Variants in CCNI2 observed in about 807,000 individuals in gnomAD.
CCNI2 encodes the protein cyclin-I2.
Under a neutral mutation model 33.2 loss-of-function variants are expected in CCNI2, and 32 were observed. That is an observed-to-expected ratio of 0.96 (90% CI 0.73 to 1.30). The LOEUF is 1.30. Ranked by LOEUF, CCNI2 falls within the 50% of genes most tolerant of loss-of-function variation. The pLI is 0.00. For missense variants in CCNI2, 452 were observed against 486.2 expected (o/e 0.93, Z 0.66); for synonymous variants, 231 against 219.9 (o/e 1.05, Z -0.45).
At chr5:132,751,861 C>A in intron 4 of CCNI2, 105 bp from the exon 5 acceptor site, 1 of 1,342,364 alleles carries the variant, frequency 7.4e-7, no homozygotes, top group African/African-American at 1.5e-5. Flanking sequence ...GGTTGGGCAA[C>A]ATTTGATGTT....
Position 132,753,061 on chromosome 5 carries a change from G to A in CCNI2, c.*91G>A, listed in dbSNP as rs988231298. The A allele has an allele frequency of 2.2e-5, 23 of 1,030,380 alleles. No homozygotes were observed. In the South Asian group the frequency reaches 2.5e-4, roughly 11 times the overall value. The allele number at this position is 1,030,380 out of a possible 1,614,324, so 63.8% of individuals were successfully genotyped here. A position where few individuals can be genotyped will look rare whatever the true frequency, so the allele number is the denominator to read the frequency against. ...AGTTCTTTGGCTTGTTATGAATCCT[G>A]TAAAAAGGGAAGGTGGCTCTGGAAG... On this transcript the variant is annotated 3_prime_UTR_variant, in exon 6 of 6. Transcript: ENST00000378731.
Position 132,749,338 on chromosome 5 carries a change from C to G in CCNI2, c.559-10C>G. 6.2e-7 allele frequency: 1 copy of G among 1,609,174 alleles called. No individual in the cohort carries two copies. Among genetic ancestry groups the G allele is most frequent in the Non-Finnish European group, 8.5e-7 (1 of 1,175,494 alleles). On this transcript the variant is annotated splice_polypyrimidine_tract_variant and intron_variant, in intron 2 of 5. Transcript: ENST00000378731. ...ATATTCTGCTCAAATGTGTTTGTTC[C>G]ATACTGCAGGTAAAAGAGAAATACC...
At chr5:132,749,286 A>T in intron 2 of CCNI2, 62 bp from the exon 3 acceptor site, 2 of 1,335,824 alleles carry the variant, frequency 1.5e-6, no homozygotes, top group Admixed American at 3.4e-5. Flanking sequence ...ACAAACACAG[A>T]TGCTTTTCAG....
At position 132,754,326 on chromosome 5, in the gene CCNI2, G is replaced by A; in HGVS notation, c.*1356G>A. ...GCCATGCTGCTCACAGCTTCCAGTG[G>A]TGGCCGTTGAGTGCCCTCTGCCTCC... On this transcript the variant is annotated 3_prime_UTR_variant, in exon 6 of 6. Transcript: ENST00000378731. 5 of 700,294 alleles carry A rather than the reference G, an allele frequency of 7.1e-6. No homozygotes were observed. In the Admixed American group the frequency reaches 8.2e-5, roughly 11 times the overall value. The allele number at this position is 700,294 out of a possible 1,614,324, so 43.4% of individuals were successfully genotyped here. A position where few individuals can be genotyped will look rare whatever the true frequency, so the allele number is the denominator to read the frequency against.
Position 132,750,965 on chromosome 5 carries a change from T to C in CCNI2, c.742T>C (p.Tyr248His). 1 of 1,614,216 alleles carries C rather than the reference T, an allele frequency of 6.2e-7. No homozygotes were observed. The highest frequency in any genetic ancestry group is 2.2e-5 in the East Asian group (1 of 44,894). The stretch of plus-strand genomic sequence containing the variant: ...TCTGGACAGACTGCACTGGGACCTC[T>C]ATATTGGGACGCCGCTGGACTTCTT... Reference protein sequence around the residue: ...AILDRLHWDLYIGTPLDFLTI... With the variant: ...AILDRLHWDLHIGTPLDFLTI... The change falls in exon 4 of 6, where the codon TAT (tyrosine) becomes CAT (histidine). Residue 248 changes from tyrosine (Y) to histidine (H), a missense_variant. Coordinates refer to ENST00000378731, the MANE Select transcript of CCNI2 (RefSeq NM_001039780.4).
chr5:132,754,195 T>G lies in CCNI2; in HGVS notation c.*1225T>G. The G allele has an allele frequency of 1.9e-6, 1 of 531,110 alleles. No individual in the cohort carries two copies. 32.9% of individuals were successfully genotyped at this position (531,110 alleles called of 1,614,324 possible). On this transcript the variant is annotated 3_prime_UTR_variant, in exon 6 of 6. Coordinates refer to ENST00000378731, the MANE Select transcript of CCNI2 (RefSeq NM_001039780.4). Reference sequence around the variant, plus strand: ...GTATGAGTCTTATTTTGAGCTACCATGCATTTAGCCTTGCGAGAGTCAGAT... The same window carrying G: ...GTATGAGTCTTATTTTGAGCTACCAGGCATTTAGCCTTGCGAGAGTCAGAT...
At chr5:132,748,201 G>A (rs923747934) in intron 1 of CCNI2, 146 bp from the exon 2 acceptor site, 1 of 1,179,042 alleles carries the variant, frequency 8.5e-7, no homozygotes. Context: ...GCTGCGCCGG[G>A]GGGCGCTTAC....
intron 4 of CCNI2, chr5:132,751,583 A>T (rs1001225027): frequency 1.1e-5 from 3 of 281,448 alleles, no homozygotes; most frequent in South Asian, 1.1e-4. Flanking sequence ...AGACTGTTTC[A>T]TTACGAAAAC....
At chr5:132,752,296 A>C in intron 5 of CCNI2, 100 bp downstream of exon 5, 1 of 1,342,376 alleles carries the variant, frequency 7.4e-7, no homozygotes, top group Non-Finnish European at 1.0e-6. Context: ...TAGCCTCTGG[A>C]AAATGTTCTG....
At chr5:132,748,222 C>T (rs942652252) in intron 1 of CCNI2, 125 bp from the exon 2 acceptor site, 2 of 1,322,020 alleles carry the variant, frequency 1.5e-6, no homozygotes, top group African/African-American at 1.5e-5. Flanking sequence ...TCCCAGCGGG[C>T]ATGCAGAGGA....
intron 3 of CCNI2, among the ~76,000 whole-genome samples, chr5:132,749,991 C>T (rs1754740659): frequency 6.6e-6 from 1 of 152,144 alleles, no homozygotes; most frequent in Non-Finnish European, 1.5e-5. Context: ...AATACCCTTT[C>T]CAAGCTTTCC....
Position 132,750,959 on chromosome 5 carries a change from G to T in CCNI2, c.736G>T (p.Asp246Tyr). 3 of 1,614,260 alleles carry T rather than the reference G, an allele frequency of 1.9e-6. No homozygotes were observed. Among genetic ancestry groups the T allele is most frequent in the Non-Finnish European group, 2.5e-6 (3 of 1,180,054 alleles). The part of the protein sequence containing the change: ...ELAILDRLHW[D>Y]LYIGTPLDFL... ...GGCTATTCTGGACAGACTGCACTGG[G>T]ACCTCTATATTGGGACGCCGCTGGA... The change falls in exon 4 of 6, where the codon GAC (aspartate) becomes TAC (tyrosine). Residue 246 changes from aspartate (D) to tyrosine (Y), a missense_variant. Physicochemically the swap from Asp to Tyr is radical, Grantham distance 160 (BLOSUM62 -3). Coordinates refer to ENST00000378731, the MANE Select transcript of CCNI2 (RefSeq NM_001039780.4).
At chr5:132,752,261 C>G in intron 5 of CCNI2, 65 bp downstream of exon 5, 2 of 1,492,272 alleles carry the variant, frequency 1.3e-6, no homozygotes, top group Non-Finnish European at 9.0e-7. Flanking sequence ...ACACTCTGAC[C>G]CCAAAGGGGT....
chr5:132,752,870 G>A lies in CCNI2; in HGVS notation c.1010G>A (p.Gly337Asp). The A allele has an allele frequency of 3.7e-6, 6 of 1,613,648 alleles. No individual in the cohort carries two copies. Among genetic ancestry groups the A allele is most frequent in the Non-Finnish European group, 5.1e-6 (6 of 1,179,662 alleles). ...ISDLLKKAQV[G>D]DMQYSCCKEL... ...GGCCACTCTATTCTAATACAGGTTG[G>A]TGATATGCAGTACAGCTGCTGCAAG... The change falls in exon 6 of 6, where the codon GGT becomes GAT. Residue 337 changes from glycine (G) to aspartate (D), a missense_variant. Coordinates refer to ENST00000378731, the MANE Select transcript of CCNI2 (RefSeq NM_001039780.4).
downstream of CCNI2, chr5:132,756,047 G>A (rs939558732): frequency 1.0e-6 from 1 of 985,052 alleles, no homozygotes; most frequent in South Asian, 4.7e-5. Context: ...AGTACAAAGT[G>A]AATGGAAAAG....
In CCNI2 at chr5:132,754,330, C is replaced by A; in HGVS notation, c.*1360C>A. 1.4e-6 allele frequency: 1 copy of A among 701,522 alleles called. No individual in the cohort carries two copies. Among genetic ancestry groups the A allele is most frequent in the Non-Finnish European group, 2.7e-6 (1 of 376,874 alleles). The allele number at this position is 701,522 out of a possible 1,614,324, so 43.5% of individuals were successfully genotyped here. A position where few individuals can be genotyped will look rare whatever the true frequency, so the allele number is the denominator to read the frequency against. On this transcript the variant is annotated 3_prime_UTR_variant, in exon 6 of 6. Transcript: ENST00000378731. ...TGCTGCTCACAGCTTCCAGTGGTGG[C>A]CGTTGAGTGCCCTCTGCCTCCTTCC...
intron 3 of CCNI2, among the ~76,000 whole-genome samples, chr5:132,750,636 C>G (rs1754770184): frequency 1.3e-5 from 2 of 152,102 alleles, no homozygotes; most frequent in African/African-American, 4.8e-5. Context: ...GGATCAAGAC[C>G]CGGTTTCAGA....
intron 2 of CCNI2, 84 bp from the exon 3 acceptor site, chr5:132,749,264 G>A (rs803055): frequency 0.18 from 206,652 of 1,151,828 alleles, 41,569 homozygotes; most frequent in African/African-American, 0.81. Flanking sequence ...TCAAAAAAGT[G>A]TATAAAAGAA....
Position 132,748,424 on chromosome 5 carries a change from C to T in CCNI2, c.507C>T (p.Ser169=). 2 of 1,614,188 alleles carry T rather than the reference C, an allele frequency of 1.2e-6. No homozygotes were observed. Among genetic ancestry groups the T allele is most frequent in the Middle Eastern group, 1.7e-4 (1 of 6,060 alleles). Residue 169 remains serine (S), a synonymous_variant, in exon 2 of 6, where the codon TCC becomes TCT. Coordinates refer to ENST00000378731, the MANE Select transcript of CCNI2 (RefSeq NM_001039780.4). The part of the protein sequence containing the change: ...RLQNTFYFSQ[S]TFNLALTIFG... The stretch of plus-strand genomic sequence containing the variant: ...AGAACACCTTTTACTTCTCCCAGTC[C>T]ACTTTTAACCTGGCCCTCACCATCT...
Sources: gnomAD v4.1 joint callset for allele counts (sites outside exome capture counted in the v4.1 genomes callset) on GRCh38, gnomAD v4.1.1 for gene constraint, MANE v1.5 for transcripts, NCBI Gene and HGNC (gene_info 2026-07-23, HGNC 2026-07-21) for gene names.